AIRE: variants seen among roughly 807,000 people sequenced by gnomAD.
AIRE encodes autoimmune polyendocrinopathy candidiasis ectodermal dystrophy protein.
In AIRE, 52 loss-of-function variants were observed where a neutral mutation model predicts 62.1. The observed-to-expected ratio is 0.84, with a 90% confidence interval of 0.67 to 1.06. The LOEUF (loss-of-function observed/expected upper bound fraction) is 1.06, where lower values mean the gene tolerates loss of function less well. Among genes scored for constraint, AIRE ranks in the 50% least tolerant of loss-of-function variants. The probability of loss-of-function intolerance (pLI) is 0.00; values close to 1 mark genes in which losing one functional copy is unlikely to be tolerated. For missense variants in AIRE, 774 were observed against 755.8 expected, an observed-to-expected ratio of 1.02 and a Z score of -0.28; for synonymous variants, 342 against 321.6, an observed-to-expected ratio of 1.06 and a Z score of -0.68.
At chr21:44,289,343 A>G in intron 5 of AIRE, 1 of 405,840 alleles carries the variant, frequency 2.5e-6, no homozygotes, top group East Asian at 4.6e-5. Context: ...CTTTATAAGG[A>G]CACCAGTCAT....
intron 5 of AIRE, 191 bp from the exon 6 acceptor site, chr21:44,289,465 CT>C (rs2040513582): frequency 1.3e-5 from 9 of 676,914 alleles, no homozygotes; most frequent in African/African-American, 1.3e-4. Flanking sequence ...TCGGGGGACG[CT>C]GTTGAACACC....
rs377295310 is a variant in AIRE at position 44,294,006 on chromosome 21, AC to A, written c.1400+100del. On this transcript the variant is annotated intron_variant, in intron 11 of 13. Transcript: ENST00000291582. Reference sequence around the variant, plus strand: ...CCCACATCATACAGCCCACAACCACACCCCACCCACACCCCACACTCCCACC... The same window carrying A: ...CCCACATCATACAGCCCACAACCACACCCACCCACACCCCACACTCCCACC... 14 of 1,287,734 alleles carry A rather than the reference AC, an allele frequency of 1.1e-5. No homozygotes were observed. In the African/African-American group the frequency reaches 2.6e-4, roughly 24 times the overall value. 79.8% of individuals were successfully genotyped at this position (1,287,734 alleles called of 1,614,324 possible). A position where few individuals can be genotyped will look rare whatever the true frequency, so the allele number is the denominator to read the frequency against.
chr21:44,294,778 G>A (rs1293709098), intron 12 of AIRE, among the ~76,000 whole-genome samples: 2 of 152,210 alleles, frequency 1.3e-5, no homozygotes, highest in East Asian at 3.8e-4. Context: ...GCATGAGCCT[G>A]AGAGTCCTGC....
chr21:44,287,230 G>C lies in AIRE; in HGVS notation c.463+97G>C. ...TCCCCACCCGGGCTCCCACCCACTGGGTGTGGGGCCAGCCTGCCTGGGGCT... is the reference window on the plus strand; with the variant it reads ...TCCCCACCCGGGCTCCCACCCACTGCGTGTGGGGCCAGCCTGCCTGGGGCT... On this transcript the variant is annotated intron_variant, in intron 3 of 13. Transcript: ENST00000291582. The surrounding 1 kb of genome is among the most constrained non-coding windows in gnomAD (Gnocchi z 4.3). The C allele has an allele frequency of 6.8e-7, 1 of 1,475,054 alleles. No homozygotes were observed. The highest frequency in any genetic ancestry group is 9.3e-7 in the Non-Finnish European group (1 of 1,078,574). 91.4% of individuals were successfully genotyped at this position (1,475,054 alleles called of 1,614,324 possible). A position where few individuals can be genotyped will look rare whatever the true frequency, so the allele number is the denominator to read the frequency against.
intron 9 of AIRE, 43 bp downstream of exon 9, chr21:44,292,444 A>C (rs1242389418): frequency 2.2e-6 from 3 of 1,381,258 alleles, no homozygotes; most frequent in East Asian, 5.0e-5. Context: ...CCTCCTGTCC[A>C]CATGGCCACG....
At position 44,287,431 on chromosome 21, in the gene AIRE, C is replaced by T; in HGVS notation, c.464-86C>T. ...CTACCCAGCACTGGACCGCCCCCTC[C>T]ACGCCCTCCCACCGCGGGCCCCTGC... On this transcript the variant is annotated intron_variant, in intron 3 of 13. Coordinates refer to ENST00000291582, the MANE Select transcript of AIRE (RefSeq NM_000383.4). The surrounding 1 kb of genome is among the most constrained non-coding windows in gnomAD (Gnocchi z 4.3). 2 of 959,714 alleles carry T rather than the reference C, an allele frequency of 2.1e-6. No homozygotes were observed. The highest frequency in any genetic ancestry group is 1.4e-5 in the South Asian group (1 of 70,488). 59.4% of individuals were successfully genotyped at this position (959,714 alleles called of 1,614,324 possible).
In AIRE at chr21:44,293,044, G is replaced by C; in HGVS notation, c.1147G>C (p.Glu383Gln). The change falls in exon 10 of 14, where the codon GAA becomes CAA. Residue 383 changes from glutamate to glutamine, a missense_variant. Transcript: ENST00000291582. ...AGEEVRGPPG[E>Q]PLAGMDTTLV... ...AGAGGAGGTAAGAGGTCCACCTGGG[G>C]AACCCCTAGCCGGCATGGACACGAC... 6.2e-7 allele frequency: 1 copy of C among 1,612,522 alleles called. No individual in the cohort carries two copies. Among genetic ancestry groups the C allele is most frequent in the South Asian group, 1.1e-5 (1 of 91,080 alleles).
chr21:44,293,554 C>T (rs776132956), intron 10 of AIRE, among the ~76,000 whole-genome samples: 5 of 152,234 alleles, frequency 3.3e-5, no homozygotes, highest in East Asian at 1.9e-4. Flanking sequence ...GAGAGAGGTG[C>T]GGGCGCCAGG....
rs1297907005 is a variant in AIRE, at chr21:44,292,542, C to T, written c.1095+141C>T. The T allele has an allele frequency of 6.2e-6, 4 of 645,442 alleles. No individual in the cohort carries two copies. The South Asian group carries it at 7.1e-5, about 12-fold the overall frequency. 40.0% of individuals were successfully genotyped at this position (645,442 alleles called of 1,614,324 possible). A position where few individuals can be genotyped will look rare whatever the true frequency, so the allele number is the denominator to read the frequency against. ...ACTGCCCCAGCCATAGCACTATGTCCCCCATGCCCAAGCCCGGTCCTTGTG... is the reference window on the plus strand; with the variant it reads ...ACTGCCCCAGCCATAGCACTATGTCTCCCATGCCCAAGCCCGGTCCTTGTG... On this transcript the variant is annotated intron_variant, in intron 9 of 13. Coordinates refer to ENST00000291582, the MANE Select transcript of AIRE (RefSeq NM_000383.4).
chr21:44,294,025 C>G, intron 11 of AIRE, 115 bp downstream of exon 11: 1 of 1,373,708 alleles, frequency 7.3e-7, no homozygotes, highest in Non-Finnish European at 9.8e-7. Context: ...ACACCCCACA[C>G]TCCCACCCAC....
In AIRE at chr21:44,287,117, G is replaced by A. The variant is rs374704178; in HGVS notation, c.447G>A (p.Arg149=). The A allele has an allele frequency of 1.1e-4, 175 of 1,612,434 alleles. 1 individual carries two copies. The African/African-American group carries it at 2.0e-3, about 18-fold the overall frequency. Residue 149 remains arginine, a synonymous_variant, in exon 3 of 14, where the codon AGG becomes AGA. Transcript: ENST00000291582. The surrounding 1 kb of genome is among the most constrained non-coding windows in gnomAD (Gnocchi z 4.3). ...RAAAPAALTP[R]GTASPGSQLK... is the part of the protein sequence containing the mutation. The stretch of plus-strand genomic sequence containing the variant: ...CCGCGCCAGCAGCCCTGACTCCAAG[G>A]GGCACCGCCAGCCCAGGTACCCTCC...
intron 12 of AIRE, among the ~76,000 whole-genome samples, chr21:44,295,497 C>T (rs571510432): frequency 6.6e-6 from 1 of 152,304 alleles, no homozygotes; most frequent in African/African-American, 2.4e-5. Flanking sequence ...AGTCAGGAGC[C>T]CAGCCGGGCA....
chr21:44,295,953 C>A (rs1033671347), intron 12 of AIRE, among the ~76,000 whole-genome samples: 1 of 152,192 alleles, frequency 6.6e-6, no homozygotes, highest in Non-Finnish European at 1.5e-5. Context: ...CTCCTCTCTG[C>A]TGGGGGTGCC....
Position 44,288,329 on chromosome 21 carries a change from G to T in AIRE, c.539-16G>T. On this transcript the variant is annotated splice_polypyrimidine_tract_variant and intron_variant, in intron 4 of 13. Transcript: ENST00000291582. ...TCTTCCCCACGGGTGACCCCAATGG[G>T]TGTTCCCTTTCCCAGGGATTCAGAC... The T allele has an allele frequency of 6.4e-7, 1 of 1,563,112 alleles. No individual in the cohort carries two copies. Among genetic ancestry groups the T allele is most frequent in the Non-Finnish European group, 8.8e-7 (1 of 1,134,556 alleles).
rs1168220941 is a variant in AIRE at position 44,297,096 on chromosome 21, G to A, written c.1567-560G>A. Among the ~76,000 whole-genome samples the A allele has an allele frequency of 6.6e-6, 1 of 152,234 alleles. No individual in the cohort carries two copies. The highest frequency in any genetic ancestry group is 1.5e-5 in the Non-Finnish European group (1 of 68,020). ...ACACACCCTGACCGTGCAGGTGTCT[G>A]CAGAGCCCCAGGGCCTGAGAGTGGG... On this transcript the variant is annotated intron_variant, in intron 13 of 13. Transcript: ENST00000291582. The surrounding 1 kb of genome is among the most constrained non-coding windows in gnomAD (Gnocchi z 4.8).
chr21:44,292,368 G>A lies in AIRE; in HGVS notation c.1062G>A (p.Glu354=), dbSNP rs867985822. The change falls in exon 9 of 14, where the codon GAG becomes GAA. Residue 354 remains glutamate, a synonymous_variant. Transcript: ENST00000291582. The part of the protein sequence containing the change: ...TVQEVQPRAE[E]PRPQEPPVET... ...AGGAGGTGCAGCCCCGGGCAGAGGA[G>A]CCCCGGCCCCAGGAGCCACCCGTGG... 2 of 1,564,244 alleles carry A rather than the reference G, an allele frequency of 1.3e-6. No homozygotes were observed. Among genetic ancestry groups the A allele is most frequent in the Non-Finnish European group, 8.7e-7 (1 of 1,154,318 alleles).
Position 44,286,212 on chromosome 21 carries a change from G to T in AIRE, c.132+74G>T. The T allele has an allele frequency of 6.9e-7, 1 of 1,456,290 alleles. No homozygotes were observed. The allele number at this position is 1,456,290 out of a possible 1,614,324, so 90.2% of individuals were successfully genotyped here. On this transcript the variant is annotated intron_variant, in intron 1 of 13. Coordinates refer to ENST00000291582, the MANE Select transcript of AIRE (RefSeq NM_000383.4). The surrounding 1 kb of genome is among the most constrained non-coding windows in gnomAD (Gnocchi z 6.0). ...GATAGTCCCCGGGGAAGTTCCAGGA[G>T]GACCCCGCCCCTCCAGATCCCCAAG...
chr21:44,291,370 C>G (rs1036182929), intron 8 of AIRE, among the ~76,000 whole-genome samples, 160 bp downstream of exon 8: 1 of 152,168 alleles, frequency 6.6e-6, no homozygotes, highest in African/African-American at 2.4e-5. Flanking sequence ...TGGGGTTTTC[C>G]CACCCTGCCA....
chr21:44,297,648 T>A lies in AIRE; in HGVS notation c.1567-8T>A, dbSNP rs1464498944. 1.9e-6 allele frequency: 3 copies of A among 1,610,234 alleles called. No homozygotes were observed. The highest frequency in any genetic ancestry group is 8.5e-7 in the Non-Finnish European group (1 of 1,178,526). ...CCTGGAGGTTCTCACCGTCACTCTG[T>A]CCCGCAGCACACCTTCGATGGCATC... On this transcript the variant is annotated splice_region_variant and splice_polypyrimidine_tract_variant and intron_variant, in intron 13 of 13. Transcript: ENST00000291582. This position sits in a 1 kb window ranked among gnomAD's most constrained non-coding sequence, Gnocchi z 4.8.
Sources: allele counts gnomAD v4.1 joint callset (sites outside exome capture counted in the v4.1 genomes callset), GRCh38; gene constraint gnomAD v4.1.1; non-coding constraint Gnocchi (gnomAD v3.1); transcripts MANE v1.5; gene names NCBI Gene and HGNC (gene_info 2026-07-23, HGNC 2026-07-21).